The following KLHL30 variants were observed in gnomAD, a reference collection of about 807,000 sequenced individuals.
The protein encoded by KLHL30 is kelch-like protein 30.
In KLHL30, 55 loss-of-function variants were observed where a neutral mutation model predicts 55.0. The observed-to-expected ratio is 1.00, with a 90% confidence interval of 0.80 to 1.25. The LOEUF (loss-of-function observed/expected upper bound fraction) is 1.25. Ranked by LOEUF, KLHL30 falls within the 50% of genes most tolerant of loss-of-function variation. The pLI, the probability that KLHL30 is intolerant of heterozygous loss-of-function variation, is 0.00. For synonymous variants in KLHL30, 356 were observed against 372.6 expected (o/e 0.96, Z 0.51); for missense variants, 786 against 811.6 (o/e 0.97, Z 0.38).
At position 238,148,117 on chromosome 2, in the gene KLHL30, G is replaced by A. The variant is rs376646149; in HGVS notation, c.1339+95G>A. On this transcript the variant is annotated intron_variant, in intron 6 of 7. Coordinates refer to ENST00000409223, the MANE Select transcript of KLHL30 (RefSeq NM_198582.4). ...TGATGGTGAGGATTGGGGCTCCTGA[G>A]GATAGACGGGGCCCGGGGTGGAGAG... The A allele has an allele frequency of 2.6e-4, 310 of 1,182,316 alleles. 2 individuals carry two copies. In the African/African-American group the frequency reaches 4.6e-3, roughly 18 times the overall value. 73.2% of individuals were successfully genotyped at this position (1,182,316 alleles called of 1,614,324 possible).
At position 238,140,690 on chromosome 2, in the gene KLHL30, C is replaced by T. The variant is rs980291368; in HGVS notation, c.-65C>T. 1.7e-5 allele frequency: 24 copies of T among 1,440,002 alleles called. No homozygotes were observed. In the South Asian group the frequency reaches 2.1e-4, roughly 12 times the overall value. The allele number at this position is 1,440,002 out of a possible 1,614,324, so 89.2% of individuals were successfully genotyped here. ...CCTGCTCTCTTCTCTCCTAGGAGCT[C>T]GGGCGGCTCCAGGCACTTCTTCCCT... On this transcript the variant is annotated 5_prime_UTR_variant, in exon 2 of 8. Coordinates refer to ENST00000409223, the MANE Select transcript of KLHL30 (RefSeq NM_198582.4).
chr2:238,143,176 G>C (rs895988154), intron 3 of KLHL30, among the ~76,000 whole-genome samples: 1 of 152,248 alleles, frequency 6.6e-6, no homozygotes, highest in African/African-American at 2.4e-5. Context: ...CCAGGACTCT[G>C]GTCCCTTTTA....
Position 238,152,197 on chromosome 2 carries a change from G to C in KLHL30, c.*1132G>C. 1 of 985,456 alleles carries C rather than the reference G, an allele frequency of 1.0e-6. No individual in the cohort carries two copies. Among genetic ancestry groups the C allele is most frequent in the Non-Finnish European group, 1.2e-6 (1 of 830,000 alleles). 61.0% of individuals were successfully genotyped at this position (985,456 alleles called of 1,614,324 possible). ...AGCTCCGGTCTCCCGCCGGATCCAGGCTTCCTCTCCAGGACCAGCCCCTGG... is the reference window on the plus strand; with the variant it reads ...AGCTCCGGTCTCCCGCCGGATCCAGCCTTCCTCTCCAGGACCAGCCCCTGG... On this transcript the variant is annotated 3_prime_UTR_variant, in exon 8 of 8. Coordinates refer to ENST00000409223, the MANE Select transcript of KLHL30 (RefSeq NM_198582.4).
Position 238,151,614 on chromosome 2 carries a change from C to CTTTTTTAATG in KLHL30, c.*549_*550insTTTTTTAATG. ...TGGGCTTCAAGCTCCGCGTCCACCACACACGGGGCTGGCTGTGTGGGCTTT... is the reference window on the plus strand; with the variant it reads ...TGGGCTTCAAGCTCCGCGTCCACCACTTTTTTAATGACACGGGGCTGGCTGTGTGGGCTTT... On this transcript the variant is annotated 3_prime_UTR_variant, in exon 8 of 8. Transcript: ENST00000409223. 1.3e-5 allele frequency: 2 copies of CTTTTTTAATG among 157,650 alleles called. No individual in the cohort carries two copies. Among genetic ancestry groups the CTTTTTTAATG allele is most frequent in the Non-Finnish European group, 2.8e-5 (2 of 71,454 alleles). The allele number at this position is 157,650 out of a possible 1,614,324, so 9.8% of individuals were successfully genotyped here.
chr2:238,151,118 T>G lies in KLHL30; in HGVS notation c.*53T>G. ...TCCCCACAGCGGCCCCTCATCAGCC[T>G]GTGGAACGGCCCCTTTCATTTTCGC... On this transcript the variant is annotated 3_prime_UTR_variant, in exon 8 of 8. Coordinates refer to ENST00000409223, the MANE Select transcript of KLHL30 (RefSeq NM_198582.4). 1 of 1,533,456 alleles carries G rather than the reference T, an allele frequency of 6.5e-7. No individual in the cohort carries two copies. The highest frequency in any genetic ancestry group is 1.2e-5 in the South Asian group (1 of 81,984). The allele number at this position is 1,533,456 out of a possible 1,614,324, so 95.0% of individuals were successfully genotyped here.
At position 238,141,479 on chromosome 2, in the gene KLHL30, T is replaced by C. The variant is rs534143172; in HGVS notation, c.725T>C (p.Ile242Thr). 2.7e-6 allele frequency: 4 copies of C among 1,502,892 alleles called. No homozygotes were observed. The South Asian group carries it at 5.1e-5, about 19-fold the overall frequency. The allele number at this position is 1,502,892 out of a possible 1,614,324, so 93.1% of individuals were successfully genotyped here. ...CAACTGCTGGCCTCAGAGCCCCTGA[T>C]CCAGGAGTCAGAGGCATGCCGGGCA... is the stretch of plus-strand genomic sequence containing the variant. ...VQQLLASEPL[I>T]QESEACRAAL... The change falls in exon 2 of 8, where the codon ATC becomes ACC. Residue 242 changes from isoleucine to threonine, a missense_variant. Transcript: ENST00000409223.
Position 238,147,070 on chromosome 2 carries a change from C to T in KLHL30, c.1151-764C>T, listed in dbSNP as rs1235540418. Among the ~76,000 whole-genome samples, 1 of 150,206 alleles carries T rather than the reference C, an allele frequency of 6.7e-6. No homozygotes were observed. Among genetic ancestry groups the T allele is most frequent in the African/African-American group, 2.5e-5 (1 of 40,684 alleles). On this transcript the variant is annotated intron_variant, in intron 5 of 7. Transcript: ENST00000409223. The surrounding 1 kb of genome is among the most constrained non-coding windows in gnomAD (Gnocchi z 5.8). ...AGCCGAGGTAGGAGTATCGCTGAGC[C>T]TGAGAGGTTGAGGCTGCAATGAGCT...
Position 238,140,896 on chromosome 2 carries a change from C to T in KLHL30, c.142C>T (p.Arg48Cys), listed in dbSNP as rs573206585. The T allele has an allele frequency of 6.8e-5, 109 of 1,611,104 alleles. No homozygotes were observed. In the South Asian group the frequency reaches 7.4e-4, roughly 11 times the overall value. Residue 48 changes from arginine to cysteine, a missense_variant, in exon 2 of 8, where the codon CGC becomes TGC. Arg to Cys is a radical substitution (Grantham distance 180). Transcript: ENST00000409223. ...LVGGRELPCHRGLLALSSPYF... is the reference protein window; with the variant it reads ...LVGGRELPCHCGLLALSSPYF... ...GGGCGGCCGGGAGCTGCCATGCCACCGCGGCCTCCTGGCGCTCAGCAGCCC... is the reference window on the plus strand; with the variant it reads ...GGGCGGCCGGGAGCTGCCATGCCACTGCGGCCTCCTGGCGCTCAGCAGCCC...
chr2:238,144,768 C>T (rs1574758107), intron 3 of KLHL30, 134 bp from the exon 4 acceptor site: 1 of 706,558 alleles, frequency 1.4e-6, no homozygotes, highest in East Asian at 2.7e-5. Flanking sequence ...TGTCACCCTG[C>T]CCCTCCCTTT....
In KLHL30 at chr2:238,144,414, G is replaced by GGAAGGAAGGAAGGAAT. The variant is rs1559275916; in HGVS notation, c.908-473_908-472insTGAAGGAAGGAAGGAA. On this transcript the variant is annotated intron_variant, in intron 3 of 7. Coordinates refer to ENST00000409223, the MANE Select transcript of KLHL30 (RefSeq NM_198582.4). ...AGGAAGGAAGGAAGGAAGGAAGGAAGGAAGGAAGGAAGGAAGGAAGGCAGG... is the reference window on the plus strand; with the variant it reads ...AGGAAGGAAGGAAGGAAGGAAGGAAGGAAGGAAGGAAGGAATGAAGGAAGGAAGGAAGGAAGGCAGG... Among the ~76,000 whole-genome samples, 452 of 120,338 alleles carry GGAAGGAAGGAAGGAAT rather than the reference G, an allele frequency of 3.8e-3. 1 individual carries two copies. Among genetic ancestry groups the GGAAGGAAGGAAGGAAT allele is most frequent in the Non-Finnish European group, 6.0e-3 (330 of 54,872 alleles). 78.9% of individuals were successfully genotyped at this position (120,338 alleles called of 152,430 possible).
In KLHL30 at chr2:238,140,085, C is replaced by T. The variant is rs962678019; in HGVS notation, c.-70-600C>T. 3.3e-5 allele frequency among the ~76,000 whole-genome samples: 5 copies of T among 152,226 alleles called. No individual in the cohort carries two copies. In the East Asian group the frequency reaches 5.8e-4, roughly 18 times the overall value. On this transcript the variant is annotated intron_variant, in intron 1 of 7. Transcript: ENST00000409223. ...GTTCAAATTCCAGCTCCACCACTTC[C>T]TAAATGTGTGATCTTGGGCAAGTGA...
In KLHL30 at chr2:238,148,404, G is replaced by A. The variant is rs1031436852; in HGVS notation, c.1339+382G>A. Among the ~76,000 whole-genome samples, 9 of 152,174 alleles carry A rather than the reference G, an allele frequency of 5.9e-5. No individual in the cohort carries two copies. In the South Asian group the frequency reaches 1.2e-3, roughly 21 times the overall value. Reference sequence around the variant, plus strand: ...CTCACGGGCCGGGAGTGGTGACCCCGACCTCCGAGGCCTCGAGGCCCATCT... The same window carrying A: ...CTCACGGGCCGGGAGTGGTGACCCCAACCTCCGAGGCCTCGAGGCCCATCT... On this transcript the variant is annotated intron_variant, in intron 6 of 7. Coordinates refer to ENST00000409223, the MANE Select transcript of KLHL30 (RefSeq NM_198582.4).
chr2:238,148,931 C>T (rs995994376), intron 6 of KLHL30, 76 bp from the exon 7 acceptor site: 2 of 1,442,368 alleles, frequency 1.4e-6, no homozygotes, highest in East Asian at 4.9e-5. Flanking sequence ...GTCCAGGGTC[C>T]CTCAGAGTGG....
At position 238,151,048 on chromosome 2, in the gene KLHL30, C is replaced by T. The variant is rs1314089003; in HGVS notation, c.1720C>T (p.Pro574Ser). 1 of 1,592,582 alleles carries T rather than the reference C, an allele frequency of 6.3e-7. No individual in the cohort carries two copies. ...DVSKWTQPSG[P>S]TQEH ...CTCCAAGTGGACCCAGCCCTCCGGC[C>T]CCACCCAGGAGCACTAAACCAGGGC... The change falls in exon 8 of 8, where the codon CCC becomes TCC. Residue 574 changes from proline (P) to serine (S), a missense_variant. Coordinates refer to ENST00000409223, the MANE Select transcript of KLHL30 (RefSeq NM_198582.4).
intron 3 of KLHL30, among the ~76,000 whole-genome samples, chr2:238,144,681 G>A (rs1172964702): frequency 6.6e-6 from 1 of 152,154 alleles, no homozygotes; most frequent in Non-Finnish European, 1.5e-5. Context: ...TCCACTCTGA[G>A]TTCCAGGCTC....
In KLHL30 at chr2:238,144,935, A is replaced by G; in HGVS notation, c.941A>G (p.Tyr314Cys). 1 of 1,611,730 alleles carries G rather than the reference A, an allele frequency of 6.2e-7. No homozygotes were observed. The highest frequency in any genetic ancestry group is 8.5e-7 in the Non-Finnish European group (1 of 1,179,084). Reference protein sequence around the residue: ...RWMALPDFPDYHKWGFSLAAL... With the variant: ...RWMALPDFPDCHKWGFSLAAL... Reference sequence around the variant, plus strand: ...ATGGCACTTCCAGACTTCCCCGACTATCACAAGTGGGGTTTCTCCCTGGCG... The same window carrying G: ...ATGGCACTTCCAGACTTCCCCGACTGTCACAAGTGGGGTTTCTCCCTGGCG... Residue 314 changes from tyrosine (Y) to cysteine (C), a missense_variant, in exon 4 of 8, where the codon TAT becomes TGT. Transcript: ENST00000409223.
rs928608404 is a variant in KLHL30 at position 238,147,571 on chromosome 2, C to A, written c.1151-263C>A. ...GCAGCCTCCTGACAGCTCCCCGCCACCCCGTTCCCAAACATCAGCCCCAGC... is the reference window on the plus strand; with the variant it reads ...GCAGCCTCCTGACAGCTCCCCGCCAACCCGTTCCCAAACATCAGCCCCAGC... On this transcript the variant is annotated intron_variant, in intron 5 of 7. Transcript: ENST00000409223. This position sits in a 1 kb window ranked among gnomAD's most constrained non-coding sequence, Gnocchi z 5.8. 6.6e-6 allele frequency among the ~76,000 whole-genome samples: 1 copy of A among 152,160 alleles called. No individual in the cohort carries two copies. The highest frequency in any genetic ancestry group is 1.5e-5 in the Non-Finnish European group (1 of 68,006).
At chr2:238,150,290 C>A (rs985477163) in intron 7 of KLHL30, among the ~76,000 whole-genome samples, 2 of 152,218 alleles carry the variant, frequency 1.3e-5, no homozygotes, top group African/African-American at 4.8e-5. Flanking sequence ...CGCTTCCCAC[C>A]CGCCCGGGCT....
chr2:238,147,966 G>A lies in KLHL30; in HGVS notation c.1283G>A (p.Gly428Asp). ...TGCCGGGGCCGGCTCTACCTGGTGG[G>A]CTCCAGCGCCTGCAAGTACAACGCC... is the stretch of plus-strand genomic sequence containing the variant. ...AGCRGRLYLV[G>D]SSACKYNALA... Residue 428 changes from glycine (G) to aspartate (D), a missense_variant, in exon 6 of 8, where the codon GGC becomes GAC. Coordinates refer to ENST00000409223, the MANE Select transcript of KLHL30 (RefSeq NM_198582.4). The surrounding 1 kb of genome is among the most constrained non-coding windows in gnomAD (Gnocchi z 5.8). 6.4e-7 allele frequency: 1 copy of A among 1,566,028 alleles called. No individual in the cohort carries two copies. The highest frequency in any genetic ancestry group is 8.6e-7 in the Non-Finnish European group (1 of 1,156,912).
Sources: gnomAD v4.1 joint callset for allele counts (sites outside exome capture counted in the v4.1 genomes callset) on GRCh38, gnomAD v4.1.1 for gene constraint, Gnocchi (gnomAD v3.1) non-coding constraint, MANE v1.5 for transcripts, NCBI Gene and HGNC (gene_info 2026-07-23, HGNC 2026-07-21) for gene names.